Variants in MEX3D observed in about 807,000 individuals in gnomAD.
MEX3D encodes mex-3 RNA binding family member D, also known as RNA-binding protein MEX3D.
A neutral mutation model predicts 6.3 loss-of-function variants in MEX3D; 4 were observed. That is an observed-to-expected ratio of 0.64 (90% confidence interval 0.31 to 1.46). The LOEUF is 1.46. Ranked by LOEUF, MEX3D falls within the 40% of genes most tolerant of loss-of-function variation. The pLI, the probability that MEX3D is intolerant of heterozygous loss-of-function variation, is 0.07. For missense variants in MEX3D, 1,038 were observed against 994.4 expected (o/e 1.04, Z -0.59); for synonymous variants, 626 against 494.1 (o/e 1.27, Z -3.54).
At chr19:1,560,395 C>T (rs1410946319) in intron 1 of MEX3D, among the ~76,000 whole-genome samples, 1 of 152,238 alleles carries the variant, frequency 6.6e-6, no homozygotes, top group Non-Finnish European at 1.5e-5. Context: ...AGCCTGTTCC[C>T]CATCACGCCG....
rs1317611641 is a variant in MEX3D at position 1,556,764 on chromosome 19, G to T, written c.755C>A (p.Ala252Asp). 6.2e-7 allele frequency: 1 copy of T among 1,612,468 alleles called. No individual in the cohort carries two copies. Among genetic ancestry groups the T allele is most frequent in the East Asian group, 2.2e-5 (1 of 44,866 alleles). The change falls in exon 2 of 2, where the codon GCC (alanine) becomes GAC (aspartate). Residue 252 changes from alanine (A) to aspartate (D), a missense_variant. Ala to Asp is a moderately radical substitution (Grantham distance 126). Coordinates refer to ENST00000402693, the MANE Select transcript of MEX3D (RefSeq NM_203304.4). This position sits in a 1 kb window ranked among gnomAD's most constrained non-coding sequence, Gnocchi z 7.5. ...CAGACCCCCGGCCTTGCTGCGCGTG[G>T]CGCGGATGATGGAGAAGTGTTCGGC... is the stretch of plus-strand genomic sequence containing the variant. ...SAAEHFSIIR[A>D]TRSKAGGLPG...
At chr19:1,558,854 T>A (rs1009887935) in intron 1 of MEX3D, among the ~76,000 whole-genome samples, 6 of 152,150 alleles carry the variant, frequency 3.9e-5, no homozygotes, top group African/African-American at 1.4e-4. Flanking sequence ...GGGTCTGACC[T>A]GGTGAGGGAC....
In MEX3D at chr19:1,556,062, C is replaced by T; in HGVS notation, c.1457G>A (p.Ser486Asn). Residue 486 changes from serine to asparagine, a missense_variant, in exon 2 of 2, where the codon AGC (serine) becomes AAC (asparagine). This residue lies in a region of MEX3D where 581 missense variants were observed against 516.2 expected (regional missense o/e 1.13). Transcript: ENST00000402693. The surrounding 1 kb of genome is among the most constrained non-coding windows in gnomAD (Gnocchi z 7.5). ...FERAAPLPAF[S>N]GCSTVNGAPG... ...GGCTCCGTTGACCGTGGAGCAGCCG[C>T]TGAAGGCGGGCAAGGGGGCGGCGCG... 7.2e-7 allele frequency: 1 copy of T among 1,390,308 alleles called. No individual in the cohort carries two copies. 86.1% of individuals were successfully genotyped at this position (1,390,308 alleles called of 1,614,324 possible).
At chr19:1,558,861 G>T (rs967782450) in intron 1 of MEX3D, among the ~76,000 whole-genome samples, 1 of 152,206 alleles carries the variant, frequency 6.6e-6, no homozygotes, top group African/African-American at 2.4e-5. Flanking sequence ...ACCTGGTGAG[G>T]GACATGAGTG....
chr19:1,558,833 G>A (rs755360097), intron 1 of MEX3D, among the ~76,000 whole-genome samples: 2 of 152,224 alleles, frequency 1.3e-5, no homozygotes, highest in Admixed American at 6.5e-5. Context: ...TGTTCTTGTT[G>A]GCTGGGCTGG....
At position 1,555,357 on chromosome 19, in the gene MEX3D, C is replaced by T. The variant is rs201107400; in HGVS notation, c.*206G>A. 1.3e-6 allele frequency: 2 copies of T among 1,599,446 alleles called. No individual in the cohort carries two copies. The highest frequency in any genetic ancestry group is 1.7e-6 in the Non-Finnish European group (2 of 1,171,928). ...CAATACTGTCGTTGAAGGGCTGAGG[C>T]GCCGCCGGGCTGCGGGGTCTCCGTC... On this transcript the variant is annotated 3_prime_UTR_variant, in exon 2 of 2. Coordinates refer to ENST00000402693, the MANE Select transcript of MEX3D (RefSeq NM_203304.4).
chr19:1,558,376 GA>G (rs545203924), intron 1 of MEX3D, among the ~76,000 whole-genome samples: 3,672 of 131,330 alleles, frequency 0.028, 125 homozygotes, highest in African/African-American at 0.078. Flanking sequence ...AAAAAAGAAG[GA>G]AAAAAAAAAA....
Position 1,567,670 on chromosome 19 carries a change from T to C in MEX3D, c.389A>G (p.Asn130Ser). 2 of 1,150,376 alleles carry C rather than the reference T, an allele frequency of 1.7e-6. No homozygotes were observed. Among genetic ancestry groups the C allele is most frequent in the Non-Finnish European group, 1.1e-6 (1 of 921,226 alleles). 71.3% of individuals were successfully genotyped at this position (1,150,376 alleles called of 1,614,324 possible). Reference protein sequence around the residue: ...APGSLPLLDPNASPPPPPPPR... With the variant: ...APGSLPLLDPSASPPPPPPPR... ...CGGCGGCGGCGGCGGGGGACTCGCG[T>C]TGGGGTCCAGCAGCGGCAGCGACCC... The change falls in exon 1 of 2, where the codon AAC (asparagine) becomes AGC (serine). Residue 130 changes from asparagine to serine, a missense_variant. This residue lies in a region of MEX3D where 265 missense variants were observed against 206.3 expected (regional missense o/e 1.28). Coordinates refer to ENST00000402693, the MANE Select transcript of MEX3D (RefSeq NM_203304.4). This position sits in a 1 kb window ranked among gnomAD's most constrained non-coding sequence, Gnocchi z 6.5.
rs1450756686 is a variant in MEX3D at position 1,554,746 on chromosome 19, C to T, written c.*817G>A. The T allele has an allele frequency of 2.0e-5, 3 of 152,350 alleles. No homozygotes were observed. The highest frequency in any genetic ancestry group is 4.8e-5 in the African/African-American group (2 of 41,408). 9.4% of individuals were successfully genotyped at this position (152,350 alleles called of 1,614,324 possible). A position where few individuals can be genotyped will look rare whatever the true frequency, so the allele number is the denominator to read the frequency against. ...AAAACTCTTGATACAATTTTTTTAA[C>T]CCTTAAATCAGCTCAGCAAATATAT... On this transcript the variant is annotated 3_prime_UTR_variant, in exon 2 of 2. Coordinates refer to ENST00000402693, the MANE Select transcript of MEX3D (RefSeq NM_203304.4).
chr19:1,560,254 T>C (rs1229012392), intron 1 of MEX3D, among the ~76,000 whole-genome samples: 1 of 152,216 alleles, frequency 6.6e-6, no homozygotes, highest in African/African-American at 2.4e-5. Flanking sequence ...CAGCCCACAG[T>C]GTTTGCTTTA....
chr19:1,560,710 C>T (rs1301446676), intron 1 of MEX3D, among the ~76,000 whole-genome samples: 2 of 152,196 alleles, frequency 1.3e-5, no homozygotes, highest in Admixed American at 1.3e-4. Context: ...CCCCTTACTC[C>T]ATCCTGCCCT....
rs1174522067 is a variant in MEX3D, at chr19:1,556,520, C to A, written c.999G>T (p.Glu333Asp). ...MPENVDRARE[E>D]IEAHITLRTG... ...TGCGCAGCGTGATGTGCGCCTCGAT[C>A]TCCTCGCGCGCGCGGTCCACGTTCT... The change falls in exon 2 of 2, where the codon GAG becomes GAT. Residue 333 changes from glutamate to aspartate, a missense_variant. By Grantham distance (45) the Glu-to-Asp change is conservative (BLOSUM62 2). Around this residue, in one of 5 missense-constraint regions of MEX3D, gnomAD observed 65 missense variants for 109.3 expected, o/e 0.59. Transcript: ENST00000402693. The surrounding 1 kb of genome is among the most constrained non-coding windows in gnomAD (Gnocchi z 7.5). 1 of 1,606,294 alleles carries A rather than the reference C, an allele frequency of 6.2e-7. No homozygotes were observed. Among genetic ancestry groups the A allele is most frequent in the Non-Finnish European group, 8.5e-7 (1 of 1,177,442 alleles).
At chr19:1,557,814 G>C (rs1475093493) in intron 1 of MEX3D, among the ~76,000 whole-genome samples, 1 of 115,834 alleles carries the variant, frequency 8.6e-6, no homozygotes, top group Non-Finnish European at 1.6e-5. Flanking sequence ...AGCCGAGATC[G>C]CACACCATTG....
chr19:1,556,271 CGGCACGGAGGGG>C lies in MEX3D; in HGVS notation c.1236_1247del (p.Pro413_Pro416del). 1 of 1,297,944 alleles carries C rather than the reference CGGCACGGAGGGG, an allele frequency of 7.7e-7. No homozygotes were observed. The highest frequency in any genetic ancestry group is 1.6e-5 in the African/African-American group (1 of 62,684). The allele number at this position is 1,297,944 out of a possible 1,614,324, so 80.4% of individuals were successfully genotyped here. A position where few individuals can be genotyped will look rare whatever the true frequency, so the allele number is the denominator to read the frequency against. On this transcript the variant is annotated inframe_deletion, in exon 2 of 2. Coordinates refer to ENST00000402693, the MANE Select transcript of MEX3D (RefSeq NM_203304.4). This position sits in a 1 kb window ranked among gnomAD's most constrained non-coding sequence, Gnocchi z 7.5. ...TGTAGGGGCTGGCGGGGCCTGGGTC[CGGCACGGAGGGG>C]CCGCCGCGGCTGCCCGCGTAGAAGG...
chr19:1,567,530 C>A lies in MEX3D; in HGVS notation c.529G>T (p.Val177Phe). 1 of 1,564,428 alleles carries A rather than the reference C, an allele frequency of 6.4e-7. No individual in the cohort carries two copies. Among genetic ancestry groups the A allele is most frequent in the South Asian group, 1.2e-5 (1 of 86,840 alleles). The change falls in exon 1 of 2, where the codon GTC becomes TTC. Residue 177 changes from valine to phenylalanine, a missense_variant. Physicochemically the swap from Val to Phe is conservative, Grantham distance 50 (BLOSUM62 -1). This residue lies in a region of MEX3D where 75 missense variants were observed against 125.1 expected (regional missense o/e 0.60). Coordinates refer to ENST00000402693, the MANE Select transcript of MEX3D (RefSeq NM_203304.4). The surrounding 1 kb of genome is among the most constrained non-coding windows in gnomAD (Gnocchi z 6.5). Reference protein sequence around the residue: ...MSVIGSRKKSVNMTECVPVPS... With the variant: ...MSVIGSRKKSFNMTECVPVPS... Reference sequence around the variant, plus strand: ...ACCGGGACGCACTCGGTCATGTTGACGCTTTTCTTGCGGCTGCCGATCACG... The same window carrying A: ...ACCGGGACGCACTCGGTCATGTTGAAGCTTTTCTTGCGGCTGCCGATCACG...
At chr19:1,560,619 G>A (rs556564902) in intron 1 of MEX3D, among the ~76,000 whole-genome samples, 1 of 152,056 alleles carries the variant, frequency 6.6e-6, no homozygotes. Context: ...AAGGGGGCGT[G>A]TGACTGTCTG....
Position 1,567,752 on chromosome 19 carries a change from G to T in MEX3D, c.307C>A (p.Pro103Thr). 2.1e-6 allele frequency: 2 copies of T among 960,870 alleles called. No individual in the cohort carries two copies. The highest frequency in any genetic ancestry group is 2.5e-6 in the Non-Finnish European group (2 of 804,662). The allele number at this position is 960,870 out of a possible 1,614,324, so 59.5% of individuals were successfully genotyped here. Residue 103 changes from proline to threonine, a missense_variant, in exon 1 of 2, where the codon CCC (proline) becomes ACC (threonine). This residue lies in a region of MEX3D where 265 missense variants were observed against 206.3 expected (regional missense o/e 1.28). Coordinates refer to ENST00000402693, the MANE Select transcript of MEX3D (RefSeq NM_203304.4). This position sits in a 1 kb window ranked among gnomAD's most constrained non-coding sequence, Gnocchi z 6.5. ...ADGGAAPEPV[P>T]PDGPEAGAPP... ...GCGCCGGCCTCAGGTCCGTCGGGGGGCACAGGCTCCGGAGCCGCCCCGCCG... is the reference window on the plus strand; with the variant it reads ...GCGCCGGCCTCAGGTCCGTCGGGGGTCACAGGCTCCGGAGCCGCCCCGCCG...
intron 1 of MEX3D, among the ~76,000 whole-genome samples, chr19:1,563,002 G>C (rs777094095): frequency 6.6e-5 from 10 of 152,278 alleles, no homozygotes; most frequent in South Asian, 6.2e-4. Context: ...TGGGCGACAA[G>C]AGCAAGACCC....
Position 1,555,438 on chromosome 19 carries a change from C to CT in MEX3D, c.*124_*125insA, listed in dbSNP as rs773355424. On this transcript the variant is annotated 3_prime_UTR_variant, in exon 2 of 2. Transcript: ENST00000402693. ...CTGTAAACACTGGCCGCCGCCCACC[C>CT]CCCTGCCCCCTCGGCCTCCGCCCCT... 1.4e-6 allele frequency: 2 copies of CT among 1,476,378 alleles called. No individual in the cohort carries two copies. Among genetic ancestry groups the CT allele is most frequent in the Non-Finnish European group, 1.8e-6 (2 of 1,098,360 alleles). 91.5% of individuals were successfully genotyped at this position (1,476,378 alleles called of 1,614,324 possible). A position where few individuals can be genotyped will look rare whatever the true frequency, so the allele number is the denominator to read the frequency against.
Sources: allele counts gnomAD v4.1 joint callset (sites outside exome capture counted in the v4.1 genomes callset), GRCh38; gene constraint gnomAD v4.1.1; regional missense constraint gnomAD v4.1.1; non-coding constraint Gnocchi (gnomAD v3.1); transcripts MANE v1.5; gene names NCBI Gene and HGNC (gene_info 2026-07-23, HGNC 2026-07-21).